CRY1: variants seen among roughly 807,000 people sequenced by gnomAD.
CRY1 encodes cryptochrome-1.
A neutral mutation model predicts 76.0 loss-of-function variants in CRY1; 45 were observed. That is an observed-to-expected ratio of 0.59 (90% CI 0.47 to 0.76). The LOEUF is 0.76. CRY1 is among the 30% of genes least tolerant of loss of function. The pLI, the probability that CRY1 is intolerant of heterozygous loss-of-function variation, is 0.00. For synonymous variants in CRY1, 248 were observed against 244.0 expected (o/e 1.02, Z -0.15); for missense variants, 587 against 716.4 (o/e 0.82, Z 2.06).
intron 7 of CRY1, 58 bp downstream of exon 7, chr12:106,999,493 T>C (rs1952275860): frequency 6.8e-7 from 1 of 1,468,796 alleles, no homozygotes; most frequent in Admixed American, 2.3e-5. Flanking sequence ...TAGGATTTGT[T>C]TTATTAAGGT....
At chr12:107,066,282 T>G (rs1303059866) in intron 1 of CRY1, among the ~76,000 whole-genome samples, 2 of 152,192 alleles carry the variant, frequency 1.3e-5, no homozygotes, top group African/African-American at 2.4e-5. Context: ...TTTTACTTCC[T>G]TGTTATATTC....
intron 1 of CRY1, among the ~76,000 whole-genome samples, chr12:107,077,162 AAC>A (rs145688902): frequency 5.4e-4 from 81 of 150,900 alleles, no homozygotes; most frequent in East Asian, 1.2e-3. Context: ...CATACACACA[AAC>A]ACACACACAC....
chr12:107,007,812 G>C (rs1311717456), intron 2 of CRY1, among the ~76,000 whole-genome samples: 1 of 152,112 alleles, frequency 6.6e-6, no homozygotes, highest in African/African-American at 2.4e-5. Context: ...TTACAGACGA[G>C]AGCCAATGTG....
chr12:107,058,741 A>G (rs1250188681), intron 1 of CRY1, among the ~76,000 whole-genome samples: 2 of 152,226 alleles, frequency 1.3e-5, no homozygotes, highest in African/African-American at 2.4e-5. Context: ...CTGAATGTTG[A>G]TAAGATTTTT....
intron 1 of CRY1, among the ~76,000 whole-genome samples, chr12:107,071,057 G>T (rs1953185731): frequency 6.6e-6 from 1 of 151,786 alleles, no homozygotes; most frequent in African/African-American, 2.4e-5. Flanking sequence ...TAGATATTTT[G>T]GGATATAATA....
rs77284009 is a variant in CRY1 at position 107,025,274 on chromosome 12, A to T, written c.159-3082T>A. Among the ~76,000 whole-genome samples, 303 of 152,362 alleles carry T rather than the reference A, an allele frequency of 2.0e-3. 3 individuals carry two copies. Among genetic ancestry groups the T allele is most frequent in the African/African-American group, 7.0e-3 (289 of 41,582 alleles). On this transcript the variant is annotated intron_variant, in intron 1 of 12. Coordinates refer to ENST00000008527, the MANE Select transcript of CRY1 (RefSeq NM_004075.5). ...TCAAAGTAGAAGAAAAACGAGATAC[A>T]CTACATATGTATCTGGTTTAATACA...
chr12:107,060,835 A>C (rs995276113), intron 1 of CRY1, among the ~76,000 whole-genome samples: 2 of 151,978 alleles, frequency 1.3e-5, no homozygotes, highest in Admixed American at 1.3e-4. Context: ...AAAATTAGCC[A>C]GGTGTGGTGG....
In CRY1 at chr12:106,999,854, C is replaced by T; in HGVS notation, c.834G>A (p.Lys278=). The T allele has an allele frequency of 4.4e-6, 7 of 1,606,252 alleles. No homozygotes were observed. Among genetic ancestry groups the T allele is most frequent in the Non-Finnish European group, 5.9e-6 (7 of 1,177,350 alleles). ...KLTDLYKKVK[K]NSSPPLSLYG... ...AAAGGGAAAGGGGAGGGGAACTGTT[C>T]TTCTTTACCTATGGTTAAAAAGCAA... The change falls in exon 7 of 13, where the codon AAG becomes AAA. Residue 278 remains lysine (K), a synonymous_variant. Coordinates refer to ENST00000008527, the MANE Select transcript of CRY1 (RefSeq NM_004075.5).
chr12:107,019,863 G>A (rs567075707), intron 2 of CRY1, among the ~76,000 whole-genome samples: 4 of 152,142 alleles, frequency 2.6e-5, no homozygotes, highest in African/African-American at 9.6e-5. Context: ...AGGCTGCAAT[G>A]AGCTACAATG....
chr12:107,031,893 TAA>T (rs1952679617), intron 1 of CRY1, among the ~76,000 whole-genome samples: 1 of 152,216 alleles, frequency 6.6e-6, no homozygotes, highest in Non-Finnish European at 1.5e-5. Context: ...GAAATCTGAA[TAA>T]AGTCTGGAGT....
At chr12:107,077,082 GCCTA>G (rs1953264369) in intron 1 of CRY1, among the ~76,000 whole-genome samples, 1 of 151,848 alleles carries the variant, frequency 6.6e-6, no homozygotes, top group South Asian at 2.1e-4. Flanking sequence ...TGCAAGAACG[GCCTA>G]CTACAGAAGC....
In CRY1 at chr12:106,997,580, G is replaced by A. The variant is rs1952247793; in HGVS notation, c.1400C>T (p.Pro467Leu). Reference protein sequence around the residue: ...VAKCLIGVNYPKPMVNHAEAS... With the variant: ...VAKCLIGVNYLKPMVNHAEAS... ...CTCAGCATGGTTCACCATTGGTTTA[G>A]GATAATTAACTCCTATCAAACATTT... The change falls in exon 9 of 13, where the codon CCT becomes CTT. Residue 467 changes from proline (P) to leucine (L), a missense_variant. Pro to Leu is a moderately conservative substitution (Grantham distance 98). Coordinates refer to ENST00000008527, the MANE Select transcript of CRY1 (RefSeq NM_004075.5). 6.2e-7 allele frequency: 1 copy of A among 1,614,094 alleles called. No individual in the cohort carries two copies. The highest frequency in any genetic ancestry group is 8.5e-7 in the Non-Finnish European group (1 of 1,179,986).
chr12:107,072,210 A>G (rs1215180422), intron 1 of CRY1, among the ~76,000 whole-genome samples: 1 of 152,138 alleles, frequency 6.6e-6, no homozygotes, highest in African/African-American at 2.4e-5. Flanking sequence ...TTTTATGACT[A>G]CTCAGTGCCA....
chr12:107,042,607 AG>A (rs34727294), intron 1 of CRY1, among the ~76,000 whole-genome samples: 83,345 of 151,948 alleles, frequency 0.55, 23,204 homozygotes, highest in East Asian at 0.73. Flanking sequence ...ACTGTATCTG[AG>A]TAAGATGGCC....
intron 1 of CRY1, among the ~76,000 whole-genome samples, chr12:107,090,075 T>C (rs1383896493): frequency 6.6e-6 from 1 of 151,940 alleles, no homozygotes; most frequent in Non-Finnish European, 1.5e-5. Flanking sequence ...AATATTTTCC[T>C]TCTTTCTTTT....
chr12:107,006,939 C>G (rs972479213), intron 2 of CRY1, among the ~76,000 whole-genome samples: 1 of 152,022 alleles, frequency 6.6e-6, no homozygotes, highest in African/African-American at 2.4e-5. Flanking sequence ...CCACCATGCC[C>G]AGCCAGTAAT....
intron 5 of CRY1, among the ~76,000 whole-genome samples, chr12:107,000,791 A>G (rs1952299393): frequency 6.6e-6 from 1 of 151,980 alleles, no homozygotes; most frequent in Non-Finnish European, 1.5e-5. Flanking sequence ...CTGGAATTAA[A>G]GGCACACACC....
At chr12:107,064,714 T>C (rs1162354192) in intron 1 of CRY1, among the ~76,000 whole-genome samples, 2 of 151,928 alleles carry the variant, frequency 1.3e-5, no homozygotes. Context: ...ATCACAATAA[T>C]TTGAAAGAAA....
chr12:107,049,101 A>G (rs1565836400), intron 1 of CRY1, among the ~76,000 whole-genome samples: 3 of 152,152 alleles, frequency 2.0e-5, no homozygotes, highest in African/African-American at 7.2e-5. Context: ...CTTGTATAGG[A>G]TATTTTACTC....
Sources: allele counts gnomAD v4.1 joint callset (sites outside exome capture counted in the v4.1 genomes callset), GRCh38; gene constraint gnomAD v4.1.1; transcripts MANE v1.5; gene names NCBI Gene and HGNC (gene_info 2026-07-23, HGNC 2026-07-21).